Variants in C1orf21 observed in about 807,000 individuals in gnomAD.
C1orf21 encodes uncharacterized protein C1orf21.
A neutral mutation model predicts 18.7 loss-of-function variants in C1orf21; 3 were observed. That is an observed-to-expected ratio of 0.16 (90% CI 0.07 to 0.42). The LOEUF is 0.42. Ranked by LOEUF, C1orf21 falls within the 10% of genes least tolerant of loss-of-function variation. The pLI is 0.99. For missense variants in C1orf21, 104 were observed against 143.6 expected (o/e 0.72, Z 1.41); for synonymous variants, 41 against 46.4 (o/e 0.88, Z 0.47).
intron 2 of C1orf21, among the ~76,000 whole-genome samples, chr1:184,480,931 GGA>G (rs1657645312): frequency 6.6e-6 from 1 of 152,136 alleles, no homozygotes; most frequent in Non-Finnish European, 1.5e-5. Flanking sequence ...TCTCCAGGTG[GGA>G]GAGCCTTCCA....
At chr1:184,487,989 C>T (rs898628578) in intron 2 of C1orf21, among the ~76,000 whole-genome samples, 1 of 152,216 alleles carries the variant, frequency 6.6e-6, no homozygotes. Context: ...CTGACCTATG[C>T]AGTTTGCATT....
At chr1:184,512,634 G>A (rs1658167390) in intron 3 of C1orf21, among the ~76,000 whole-genome samples, 1 of 152,146 alleles carries the variant, frequency 6.6e-6, no homozygotes, top group African/African-American at 2.4e-5. Context: ...CATTTGCTTT[G>A]GAGAGTATAC....
At chr1:184,492,955 T>G (rs1362685999) in intron 2 of C1orf21, among the ~76,000 whole-genome samples, 1 of 152,274 alleles carries the variant, frequency 6.6e-6, no homozygotes, top group Non-Finnish European at 1.5e-5. Context: ...CTGATCACTC[T>G]GAGAGTGTGG....
intron 1 of C1orf21, among the ~76,000 whole-genome samples, chr1:184,464,084 T>C (rs1386510746): frequency 1.3e-5 from 2 of 152,206 alleles, no homozygotes; most frequent in Admixed American, 1.3e-4. Flanking sequence ...TATAAAAAGC[T>C]AGATGGGATT....
At chr1:184,473,369 T>TG (rs1657522516) in intron 1 of C1orf21, among the ~76,000 whole-genome samples, 1 of 152,132 alleles carries the variant, frequency 6.6e-6, no homozygotes, top group African/African-American at 2.4e-5. Flanking sequence ...CCATCAGACT[T>TG]ACCTCTCTCT....
intron 3 of C1orf21, among the ~76,000 whole-genome samples, chr1:184,575,609 G>T (rs989479464): frequency 1.7e-5 from 1 of 57,736 alleles, no homozygotes; most frequent in Non-Finnish European, 3.5e-5. Flanking sequence ...AACACAAAAA[G>T]GTAAAAAAAA....
intron 5 of C1orf21, among the ~76,000 whole-genome samples, chr1:184,606,901 C>G (rs1344903485): frequency 6.6e-6 from 1 of 152,120 alleles, no homozygotes; most frequent in Non-Finnish European, 1.5e-5. Context: ...TAAACAGCAC[C>G]CTCCATAGCA....
intron 3 of C1orf21, among the ~76,000 whole-genome samples, chr1:184,578,506 G>A (rs1659226463): frequency 6.6e-6 from 1 of 152,120 alleles, no homozygotes; most frequent in South Asian, 2.1e-4. Context: ...TGTCCAAGTG[G>A]CATTTAGCAT....
intron 4 of C1orf21, among the ~76,000 whole-genome samples, chr1:184,592,912 A>T (rs1172122585): frequency 1.3e-5 from 2 of 152,108 alleles, no homozygotes; most frequent in East Asian, 3.9e-4. Context: ...ACCATTTACA[A>T]TGTCAGTGTA....
chr1:184,497,708 T>C (rs1398637645), intron 2 of C1orf21, among the ~76,000 whole-genome samples: 1 of 152,220 alleles, frequency 6.6e-6, no homozygotes, highest in Non-Finnish European at 1.5e-5. Context: ...GTCCAGTTTC[T>C]TCCTATTTCG....
chr1:184,527,193 G>C (rs13352991), intron 3 of C1orf21, among the ~76,000 whole-genome samples: 4,313 of 152,306 alleles, frequency 0.028, 186 homozygotes, highest in African/African-American at 0.097. Flanking sequence ...TGACTGGTGA[G>C]TCTTGGGAAT....
intron 3 of C1orf21, among the ~76,000 whole-genome samples, chr1:184,535,155 T>A (rs189262295): frequency 6.6e-6 from 1 of 152,322 alleles, no homozygotes; most frequent in East Asian, 1.9e-4. Context: ...AACTACGATC[T>A]GTTGTAGGGA....
intron 3 of C1orf21, among the ~76,000 whole-genome samples, chr1:184,569,178 A>G (rs947653852): frequency 6.6e-6 from 1 of 152,198 alleles, no homozygotes; most frequent in Non-Finnish European, 1.5e-5. Context: ...CACAAGCCTG[A>G]TGGAGTGTAC....
At chr1:184,598,571 G>T in intron 5 of C1orf21, 110 bp downstream of exon 5, 1 of 1,077,898 alleles carries the variant, frequency 9.3e-7, no homozygotes. Context: ...TTTTTGTGAA[G>T]GTTTGGGTGG....
chr1:184,538,099 A>G (rs1189947402), intron 3 of C1orf21, among the ~76,000 whole-genome samples: 1 of 144,508 alleles, frequency 6.9e-6, no homozygotes, highest in Non-Finnish European at 1.5e-5. Context: ...CAAGAATTCT[A>G]GTTACTCTGC....
intron 1 of C1orf21, among the ~76,000 whole-genome samples, chr1:184,470,352 T>C (rs1459966359): frequency 6.7e-6 from 1 of 150,122 alleles, no homozygotes; most frequent in African/African-American, 2.5e-5. Context: ...TCTACTTAGA[T>C]TTTCAAAACA....
At chr1:184,578,857 G>A (rs548543823) in intron 3 of C1orf21, among the ~76,000 whole-genome samples, 1 of 151,896 alleles carries the variant, frequency 6.6e-6, no homozygotes, top group East Asian at 1.9e-4. Context: ...TTGTATAAAG[G>A]GAATTAAAAA....
At chr1:184,617,764 A>G (rs1445798382) in intron 5 of C1orf21, among the ~76,000 whole-genome samples, 2 of 152,126 alleles carry the variant, frequency 1.3e-5, no homozygotes, top group Admixed American at 6.5e-5. Context: ...CAATCTGATG[A>G]TGGAGGAAAC....
At chr1:184,480,272 A>G (rs1286560035) in intron 2 of C1orf21, among the ~76,000 whole-genome samples, 1 of 152,242 alleles carries the variant, frequency 6.6e-6, no homozygotes, top group East Asian at 1.9e-4. Context: ...TTATTCAAGA[A>G]TAATAAATAT....
Sources: allele counts gnomAD v4.1 joint callset (sites outside exome capture counted in the v4.1 genomes callset), GRCh38; gene constraint gnomAD v4.1.1; transcripts MANE v1.5; gene names NCBI Gene and HGNC (gene_info 2026-07-23, HGNC 2026-07-21).